GRK5: variants seen among roughly 807,000 people sequenced by gnomAD.
GRK5 encodes the protein g protein-coupled receptor kinase GRK5.
In GRK5, 40 loss-of-function variants were observed where a neutral mutation model predicts 78.4. The ratio of observed to expected loss-of-function variants is 0.51; its 90% CI spans 0.40 to 0.66. The LOEUF (loss-of-function observed/expected upper bound fraction) is 0.66. GRK5 is among the 30% of genes least tolerant of loss of function. The pLI is 0.00. For synonymous variants in GRK5, 289 were observed against 296.8 expected (o/e 0.97, Z 0.27); for missense variants, 598 against 759.9 (o/e 0.79, Z 2.50).
At chr10:119,289,681 C>T (rs1849916436) in intron 1 of GRK5, among the ~76,000 whole-genome samples, 2 of 152,228 alleles carry the variant, frequency 1.3e-5, no homozygotes, top group African/African-American at 4.8e-5. Flanking sequence ...GGGCCTCCCG[C>T]TTCCCGAGTC....
intron 3 of GRK5, among the ~76,000 whole-genome samples, chr10:119,382,093 C>T (rs1589775723): frequency 6.6e-6 from 1 of 152,290 alleles, no homozygotes; most frequent in Non-Finnish European, 1.5e-5. Context: ...AATCTTTGCA[C>T]TCTTTGATGC....
chr10:119,365,171 G>C (rs765678456), intron 2 of GRK5, among the ~76,000 whole-genome samples: 1 of 152,172 alleles, frequency 6.6e-6, no homozygotes, highest in Admixed American at 6.5e-5. Flanking sequence ...GGAGAGAAAC[G>C]CACATGTTTT....
intron 1 of GRK5, among the ~76,000 whole-genome samples, chr10:119,291,370 C>T (rs1397746396): frequency 6.6e-6 from 1 of 152,138 alleles, no homozygotes; most frequent in Non-Finnish European, 1.5e-5. Context: ...AAAAACAGGT[C>T]TGGGTGCAGG....
At chr10:119,349,858 C>T (rs953486344) in intron 2 of GRK5, among the ~76,000 whole-genome samples, 2 of 152,214 alleles carry the variant, frequency 1.3e-5, no homozygotes, top group Non-Finnish European at 2.9e-5. Context: ...GTTGCTCATA[C>T]GTGGGCACCT....
chr10:119,266,168 C>T (rs1849493040), intron 1 of GRK5, among the ~76,000 whole-genome samples: 1 of 152,182 alleles, frequency 6.6e-6, no homozygotes, highest in East Asian at 1.9e-4. Context: ...AGGAACGATG[C>T]TGGCTGGATG....
At chr10:119,440,044 G>A (rs1174398012) in intron 10 of GRK5, among the ~76,000 whole-genome samples, 1 of 152,118 alleles carries the variant, frequency 6.6e-6, no homozygotes, top group Non-Finnish European at 1.5e-5. Flanking sequence ...GGCCGGGCGT[G>A]GTCTCTACAG....
intron 13 of GRK5, among the ~76,000 whole-genome samples, chr10:119,449,931 G>A (rs1337715987): frequency 6.6e-6 from 1 of 152,198 alleles, no homozygotes; most frequent in African/African-American, 2.4e-5. Flanking sequence ...AACAACACTC[G>A]CCTTGGATGC....
At chr10:119,241,498 CA>C (rs1393974390) in intron 1 of GRK5, among the ~76,000 whole-genome samples, 1 of 152,216 alleles carries the variant, frequency 6.6e-6, no homozygotes, top group African/African-American at 2.4e-5. Context: ...AAACTTCTTT[CA>C]GAACACCTTT....
At position 119,336,403 on chromosome 10, in the gene GRK5, G is replaced by A. The variant is rs541420363; in HGVS notation, c.148+9792G>A. Among the ~76,000 whole-genome samples the A allele has an allele frequency of 5.3e-5, 8 of 152,162 alleles. No individual in the cohort carries two copies. Among genetic ancestry groups the A allele is most frequent in the African/African-American group, 1.4e-4 (6 of 41,434 alleles). On this transcript the variant is annotated intron_variant, in intron 2 of 15. Transcript: ENST00000392870. This position sits in a 1 kb window ranked among gnomAD's most constrained non-coding sequence, Gnocchi z 4.5. Reference sequence around the variant, plus strand: ...AACAATGGTTACCCCCAGGGAAGGCGTGAAGGTCAGAGGGGACACTGGCTT... The same window carrying A: ...AACAATGGTTACCCCCAGGGAAGGCATGAAGGTCAGAGGGGACACTGGCTT...
chr10:119,439,340 T>C (rs1386489748), intron 9 of GRK5, among the ~76,000 whole-genome samples: 1 of 152,232 alleles, frequency 6.6e-6, no homozygotes, highest in Non-Finnish European at 1.5e-5. Context: ...GATCCTCTCT[T>C]CCCAATTGCA....
intron 1 of GRK5, among the ~76,000 whole-genome samples, chr10:119,284,268 ATATAT>A (rs1425281710): frequency 6.6e-6 from 1 of 152,060 alleles, no homozygotes; most frequent in Non-Finnish European, 1.5e-5. Flanking sequence ...TATTTTAATA[ATATAT>A]TTTATTTAAT....
rs117623546 is a variant in GRK5, at chr10:119,459,408, C to T, written c.*4341C>T. 1 of 123,026 alleles carries T rather than the reference C, an allele frequency of 8.1e-6. No individual in the cohort carries two copies. Among genetic ancestry groups the T allele is most frequent in the Non-Finnish European group, 2.0e-5 (1 of 50,606 alleles). 7.6% of individuals were successfully genotyped at this position (123,026 alleles called of 1,614,324 possible). A position where few individuals can be genotyped will look rare whatever the true frequency, so the allele number is the denominator to read the frequency against. On this transcript the variant is annotated 3_prime_UTR_variant, in exon 16 of 16. Transcript: ENST00000392870. ...CTGGCAGAGAAAGACACTTCCCCCC[C>T]AAAGTGGAATTTAGATGTCTTTCCC...
chr10:119,360,375 C>T (rs1056809186), intron 2 of GRK5, among the ~76,000 whole-genome samples: 9 of 152,274 alleles, frequency 5.9e-5, no homozygotes, highest in Admixed American at 4.6e-4. Flanking sequence ...ATTCTGGAGG[C>T]GCTTAGTGGG....
At chr10:119,409,278 C>T (rs141941435) in intron 4 of GRK5, among the ~76,000 whole-genome samples, 2 of 152,308 alleles carry the variant, frequency 1.3e-5, no homozygotes, top group East Asian at 3.9e-4. Context: ...AACAAATTGT[C>T]TTTGCCCACA....
rs1227524453 is a variant in GRK5, at chr10:119,207,736, C to T, written c.-182C>T. The T allele has an allele frequency of 5.0e-5, 27 of 544,652 alleles. No individual in the cohort carries two copies. Among genetic ancestry groups the T allele is most frequent in the East Asian group, 4.6e-4 (12 of 26,034 alleles). The allele number at this position is 544,652 out of a possible 1,614,324, so 33.7% of individuals were successfully genotyped here. ...GGCGGCGGCGGCGGCGGCGGCGGCT[C>T]CTCTTTGCAGAGGGGGAAACTCTTG... is the stretch of plus-strand genomic sequence containing the variant. On this transcript the variant is annotated 5_prime_UTR_variant, in exon 1 of 16. Coordinates refer to ENST00000392870, the MANE Select transcript of GRK5 (RefSeq NM_005308.3).
At chr10:119,446,508 T>C (rs1019185051) in intron 12 of GRK5, among the ~76,000 whole-genome samples, 5 of 121,494 alleles carry the variant, frequency 4.1e-5, no homozygotes, top group African/African-American at 1.6e-4. Context: ...GCCACCTTCC[T>C]GGCCAGCTGC....
At chr10:119,219,199 A>C (rs1219966953) in intron 1 of GRK5, among the ~76,000 whole-genome samples, 1 of 151,794 alleles carries the variant, frequency 6.6e-6, no homozygotes, top group East Asian at 1.9e-4. Context: ...AATATCTGAA[A>C]CTTTTTGAAA....
At chr10:119,258,552 A>G (rs72834178) in intron 1 of GRK5, among the ~76,000 whole-genome samples, 1,827 of 152,350 alleles carry the variant, frequency 0.012, 14 homozygotes, top group Middle Eastern at 0.017. Flanking sequence ...ACAGTGATGC[A>G]TGAGCATTCA....
At chr10:119,245,961 A>G (rs1300001629) in intron 1 of GRK5, among the ~76,000 whole-genome samples, 1 of 138,866 alleles carries the variant, frequency 7.2e-6, no homozygotes, top group Non-Finnish European at 1.5e-5. Context: ...CAGAGCCTGC[A>G]GTGAGCCGAG....
Sources: gnomAD v4.1 joint callset for allele counts (sites outside exome capture counted in the v4.1 genomes callset) on GRCh38, gnomAD v4.1.1 for gene constraint, Gnocchi (gnomAD v3.1) non-coding constraint, MANE v1.5 for transcripts, NCBI Gene and HGNC (gene_info 2026-07-23, HGNC 2026-07-21) for gene names.